ITPRID1: variants seen among roughly 807,000 people sequenced by gnomAD.
ITPRID1 encodes protein ITPRID1.
A neutral mutation model predicts 95.4 loss-of-function variants in ITPRID1; 96 were observed. The ratio of observed to expected loss-of-function variants is 1.01; its 90% CI spans 0.85 to 1.19. The LOEUF (loss-of-function observed/expected upper bound fraction) is 1.19, where lower values mean the gene tolerates loss of function less well. Ranked by LOEUF, ITPRID1 falls within the 50% of genes most tolerant of loss-of-function variation. ITPRID1 has a pLI of 0.00. For missense variants in ITPRID1, 1,339 were observed against 1,252.9 expected, an observed-to-expected ratio of 1.07 and a Z score of -1.04; for synonymous variants, 510 against 453.6, an observed-to-expected ratio of 1.12 and a Z score of -1.58.
intron 1 of ITPRID1, chr7:31,517,729 G>T (rs551833208): frequency 6.6e-6 from 1 of 152,518 alleles, no homozygotes; most frequent in South Asian, 2.1e-4. Context: ...AGCCGGCTCC[G>T]GCCTCAGCCA....
At chr7:31,636,851 T>C (rs1789531354) in intron 10 of ITPRID1, among the ~76,000 whole-genome samples, 1 of 150,366 alleles carries the variant, frequency 6.7e-6, no homozygotes, top group South Asian at 2.1e-4. Context: ...CAGCATTAGA[T>C]ATATCTCCTA....
At position 31,643,199 on chromosome 7, in the gene ITPRID1, T is replaced by C. The variant is rs745788108; in HGVS notation, c.1829T>C (p.Leu610Pro). The C allele has an allele frequency of 3.1e-6, 5 of 1,613,988 alleles. No individual in the cohort carries two copies. The highest frequency in any genetic ancestry group is 4.2e-6 in the Non-Finnish European group (5 of 1,179,898). ...PGNDHTQDKF[L>P]HVDSEAPREE... ...AATGATCATACTCAAGACAAGTTCC[T>C]TCATGTTGACTCTGAGGCCCCACGA... is the stretch of plus-strand genomic sequence containing the variant. Residue 610 changes from leucine to proline, a missense_variant, in exon 12 of 15, where the codon CTT becomes CCT. Coordinates refer to ENST00000615280, the MANE Select transcript of ITPRID1 (RefSeq NM_001257967.3).
chr7:31,623,761 T>C (rs956900839), intron 10 of ITPRID1, among the ~76,000 whole-genome samples: 1 of 150,680 alleles, frequency 6.6e-6, no homozygotes, highest in African/African-American at 2.4e-5. Flanking sequence ...GTGTTGGAAG[T>C]TCTGGCCAGG....
intron 10 of ITPRID1, among the ~76,000 whole-genome samples, chr7:31,639,534 TTTTG>T (rs1789816779): frequency 5.0e-5 from 1 of 20,006 alleles, no homozygotes; most frequent in African/African-American, 4.1e-4. Context: ...GTTTGTTTGT[TTTTG>T]TTTTTTTTTT....
At position 31,643,033 on chromosome 7, in the gene ITPRID1, A is replaced by T; in HGVS notation, c.1663A>T (p.Arg555Ter). 6.2e-7 allele frequency: 1 copy of T among 1,614,018 alleles called. No homozygotes were observed. The highest frequency in any genetic ancestry group is 1.3e-5 in the African/African-American group (1 of 75,050). The change falls in exon 12 of 15, where the codon AGA becomes TGA. Residue 555 changes from arginine (R) to a stop codon, truncating the protein, a stop_gained. Transcript: ENST00000615280. LOFTEE classifies it high-confidence loss of function. Reference protein sequence around the residue: ...PMPHAEYEVTRPTATSKYDHP... With the variant: ...PMPHAEYEVT ...GCCCCATGCTGAGTATGAGGTCACCAGACCCACAGCCACTTCCAAATATGA... is the reference window on the plus strand; with the variant it reads ...GCCCCATGCTGAGTATGAGGTCACCTGACCCACAGCCACTTCCAAATATGA...
Position 31,655,657 on chromosome 7 carries a change from C to A in ITPRID1, c.*2828C>A. 1.2e-6 allele frequency: 1 copy of A among 835,130 alleles called. No individual in the cohort carries two copies. Among genetic ancestry groups the A allele is most frequent in the Non-Finnish European group, 1.4e-6 (1 of 692,584 alleles). The allele number at this position is 835,130 out of a possible 1,614,324, so 51.7% of individuals were successfully genotyped here. The stretch of plus-strand genomic sequence containing the variant: ...CCTCCCACTGCATCATCCCTTTTTG[C>A]CACATCCCCATCTTGGCTCCTATAT... On this transcript the variant is annotated 3_prime_UTR_variant, in exon 15 of 15. Coordinates refer to ENST00000615280, the MANE Select transcript of ITPRID1 (RefSeq NM_001257967.3).
chr7:31,529,880 G>T lies in ITPRID1; in HGVS notation c.-98+15760G>T, dbSNP rs568492065. ...TTTTAATCCAGCCTGTTGGGGAGGG[G>T]TATTAGCTGTCTGCTCTCATTTTCT... On this transcript the variant is annotated intron_variant, in intron 1 of 14. Coordinates refer to ENST00000615280, the MANE Select transcript of ITPRID1 (RefSeq NM_001257967.3). The T allele has an allele frequency of 9.0e-6, 12 of 1,339,108 alleles. No individual in the cohort carries two copies. The African/African-American group carries it at 1.3e-4, about 15-fold the overall frequency. The allele number at this position is 1,339,108 out of a possible 1,614,324, so 83.0% of individuals were successfully genotyped here. A position where few individuals can be genotyped will look rare whatever the true frequency, so the allele number is the denominator to read the frequency against.
intron 5 of ITPRID1, among the ~76,000 whole-genome samples, chr7:31,556,104 A>T (rs1447513272): frequency 6.6e-6 from 1 of 152,030 alleles, no homozygotes; most frequent in Non-Finnish European, 1.5e-5. Context: ...AGTCATCAGT[A>T]ACCATACTAA....
At chr7:31,520,438 T>C (rs1221379500) in intron 1 of ITPRID1, among the ~76,000 whole-genome samples, 1 of 152,028 alleles carries the variant, frequency 6.6e-6, no homozygotes, top group Non-Finnish European at 1.5e-5. Flanking sequence ...CATAGATTAT[T>C]TGGAATTATT....
At position 31,578,025 on chromosome 7, in the gene ITPRID1, G is replaced by T. The variant is rs184653370; in HGVS notation, c.761G>T (p.Gly254Val). Residue 254 changes from glycine to valine, a missense_variant, in exon 9 of 15, where the codon GGT becomes GTT. Gly to Val is a moderately radical substitution (Grantham distance 109). Transcript: ENST00000615280. ...GCCAAAGAGCATCGAAGAAGAATGG[G>T]TAAACTCTTAAGGAGAGCTTCCAAA... ...SAAKEHRRRM[G>V]KLLRRASKQN... is the part of the protein sequence containing the mutation. 1.6e-5 allele frequency: 26 copies of T among 1,613,846 alleles called. No homozygotes were observed. The highest frequency in any genetic ancestry group is 2.2e-5 in the Non-Finnish European group (26 of 1,179,842).
chr7:31,520,225 C>A (rs1554279935), intron 1 of ITPRID1, among the ~76,000 whole-genome samples: 3 of 151,676 alleles, frequency 2.0e-5, no homozygotes, highest in Non-Finnish European at 4.4e-5. Context: ...CAAATTATGT[C>A]AAAAAAACAC....
chr7:31,568,988 G>T (rs929894105), intron 5 of ITPRID1, among the ~76,000 whole-genome samples: 5 of 152,130 alleles, frequency 3.3e-5, no homozygotes, highest in Non-Finnish European at 7.3e-5. Context: ...CTATTTCAGG[G>T]ATTTGTTGTG....
rs917437345 is a variant in ITPRID1, at chr7:31,519,497, T to C, written c.-98+5377T>C. On this transcript the variant is annotated intron_variant, in intron 1 of 14. Coordinates refer to ENST00000615280, the MANE Select transcript of ITPRID1 (RefSeq NM_001257967.3). ...CATCCAGAGATGACCACTGTTAGCA[T>C]TGTGTTATATATCCTTACATAATGA... 3.3e-5 allele frequency among the ~76,000 whole-genome samples: 5 copies of C among 151,220 alleles called. No homozygotes were observed. In the South Asian group the frequency reaches 8.4e-4, roughly 25 times the overall value.
intron 10 of ITPRID1, among the ~76,000 whole-genome samples, chr7:31,636,470 T>C (rs1280534859): frequency 6.6e-6 from 1 of 152,192 alleles, no homozygotes; most frequent in Non-Finnish European, 1.5e-5. Context: ...AGTCCTTCAG[T>C]TTGTTGTACA....
chr7:31,565,227 C>A (rs1784756516), intron 5 of ITPRID1, among the ~76,000 whole-genome samples: 1 of 152,064 alleles, frequency 6.6e-6, no homozygotes, highest in African/African-American at 2.4e-5. Flanking sequence ...ACCCTGGGAG[C>A]CCAGAACATA....
chr7:31,601,609 C>T (rs1459598437), intron 10 of ITPRID1, among the ~76,000 whole-genome samples: 1 of 152,148 alleles, frequency 6.6e-6, no homozygotes, highest in African/African-American at 2.4e-5. Context: ...GTAGTAACAT[C>T]CTACACATGA....
intron 10 of ITPRID1, among the ~76,000 whole-genome samples, chr7:31,586,679 A>T (rs891477508): frequency 2.6e-5 from 4 of 151,782 alleles, no homozygotes; most frequent in Non-Finnish European, 4.4e-5. Context: ...CCACTTTTTG[A>T]TGGGGTTGTC....
intron 10 of ITPRID1, among the ~76,000 whole-genome samples, chr7:31,616,152 G>GGAATTCTTACAGTT (rs1297204903): frequency 2.8e-4 from 43 of 151,846 alleles, no homozygotes; most frequent in Non-Finnish European, 5.1e-4. Context: ...ATAAATTATT[G>GGAATTCTTACAGTT]GAATTCTTAC....
Position 31,554,640 on chromosome 7 carries a change from G to A in ITPRID1, c.212+117G>A, listed in dbSNP as rs1203678111. On this transcript the variant is annotated intron_variant, in intron 4 of 14. Transcript: ENST00000615280. ...AAGTGTAGGGATTTTCATTTTAATT[G>A]TACGTGAAGTATTATTCTATTATTG... 12 of 1,290,878 alleles carry A rather than the reference G, an allele frequency of 9.3e-6. No homozygotes were observed. The East Asian group carries it at 2.3e-4, about 24-fold the overall frequency. 80.0% of individuals were successfully genotyped at this position (1,290,878 alleles called of 1,614,324 possible). A position where few individuals can be genotyped will look rare whatever the true frequency, so the allele number is the denominator to read the frequency against.
Sources: allele counts gnomAD v4.1 joint callset (sites outside exome capture counted in the v4.1 genomes callset), GRCh38; gene constraint gnomAD v4.1.1; transcripts MANE v1.5; gene names NCBI Gene and HGNC (gene_info 2026-07-23, HGNC 2026-07-21).